The following ITGB2 variants were observed in gnomAD, a reference collection of about 807,000 sequenced individuals.
ITGB2 encodes integrin subunit beta 2, also known as integrin beta-2.
A neutral mutation model predicts 86.8 loss-of-function variants in ITGB2; 56 were observed. The observed-to-expected ratio is 0.65, with a 90% CI of 0.52 to 0.81. The LOEUF is 0.81. Ranked by LOEUF, ITGB2 falls within the 30% of genes least tolerant of loss-of-function variation. ITGB2 has a pLI of 0.00. For synonymous variants in ITGB2, 457 were observed against 450.4 expected (o/e 1.01, Z -0.19); for missense variants, 948 against 1,061.2 (o/e 0.89, Z 1.48).
At chr21:44,916,643 G>A (rs892917682) in intron 1 of ITGB2, among the ~76,000 whole-genome samples, 6 of 152,090 alleles carry the variant, frequency 3.9e-5, no homozygotes, top group East Asian at 3.9e-4. Context: ...TGAGGCAGGC[G>A]GATCACCTGA....
intron 1 of ITGB2, among the ~76,000 whole-genome samples, chr21:44,912,608 A>G (rs1182466469): frequency 6.6e-6 from 1 of 152,076 alleles, no homozygotes; most frequent in Admixed American, 6.5e-5. Context: ...CATTGGGCCC[A>G]CCCTGTGTCT....
intron 5 of ITGB2, 145 bp from the exon 6 acceptor site, chr21:44,901,878 G>A (rs2083964858): frequency 5.6e-6 from 5 of 886,316 alleles, no homozygotes; most frequent in Non-Finnish European, 8.4e-6. Flanking sequence ...GAGTGTGTGT[G>A]TGAGCATGTG....
intron 14 of ITGB2, among the ~76,000 whole-genome samples, chr21:44,887,733 G>A (rs945194308): frequency 1.3e-5 from 2 of 152,202 alleles, no homozygotes; most frequent in Non-Finnish European, 2.9e-5. Flanking sequence ...CAAACCAGAC[G>A]TGACCCAAGT....
upstream of ITGB2, among the ~76,000 whole-genome samples, chr21:44,925,305 G>A (rs2146577404): frequency 6.6e-6 from 1 of 151,404 alleles, no homozygotes; most frequent in South Asian, 2.1e-4. Flanking sequence ...TAGAGACTAG[G>A]TCTCGCTACG....
chr21:44,920,059 C>T (rs940764299), intron 1 of ITGB2, among the ~76,000 whole-genome samples: 7 of 152,134 alleles, frequency 4.6e-5, no homozygotes, highest in East Asian at 3.9e-4. Context: ...CAGCGGTGCC[C>T]GCTCCCCTAC....
chr21:44,895,925 T>A (rs1261366861), intron 8 of ITGB2, among the ~76,000 whole-genome samples: 1 of 151,630 alleles, frequency 6.6e-6, no homozygotes, highest in Non-Finnish European at 1.5e-5. Context: ...AAAAAAAAAT[T>A]ACTGTTGCAT....
At chr21:44,888,271 G>A (rs543608377) in intron 14 of ITGB2, among the ~76,000 whole-genome samples, 85 of 152,348 alleles carry the variant, frequency 5.6e-4, no homozygotes, top group African/African-American at 2.0e-3. Flanking sequence ...TGAGAGCCGA[G>A]CACCAGGATC....
Position 44,892,113 on chromosome 21 carries a change from A to G in ITGB2, c.1225-117T>C, listed in dbSNP as rs1048386914. ...CCTGGGGGGTTCAGCGTGGGGAGGAAGGGGTGACCAGGAGCAGGAAGAGCT... is the reference window on the plus strand; with the variant it reads ...CCTGGGGGGTTCAGCGTGGGGAGGAGGGGGTGACCAGGAGCAGGAAGAGCT... On this transcript the variant is annotated intron_variant, in intron 10 of 15. Coordinates refer to ENST00000652462, the MANE Select transcript of ITGB2 (RefSeq NM_000211.5). 1.9e-5 allele frequency: 18 copies of G among 964,052 alleles called. No homozygotes were observed. The East Asian group carries it at 3.2e-4, about 17-fold the overall frequency. The allele number at this position is 964,052 out of a possible 1,614,324, so 59.7% of individuals were successfully genotyped here. A position where few individuals can be genotyped will look rare whatever the true frequency, so the allele number is the denominator to read the frequency against.
At position 44,886,045 on chromosome 21, in the gene ITGB2, A is replaced by G; in HGVS notation, c.*323T>C. ...TAATGGGATGTCATTTTATACCCTG[A>G]CAAGTTTAAATGTAAATAAATTGGC... On this transcript the variant is annotated 3_prime_UTR_variant, in exon 16 of 16. Coordinates refer to ENST00000652462, the MANE Select transcript of ITGB2 (RefSeq NM_000211.5). 4.8e-6 allele frequency: 2 copies of G among 419,644 alleles called. No individual in the cohort carries two copies. The highest frequency in any genetic ancestry group is 8.8e-6 in the Non-Finnish European group (2 of 226,176). The allele number at this position is 419,644 out of a possible 1,614,324, so 26.0% of individuals were successfully genotyped here.
chr21:44,914,489 CCA>C (rs1173804229), intron 1 of ITGB2, among the ~76,000 whole-genome samples: 2 of 152,232 alleles, frequency 1.3e-5, no homozygotes, highest in Non-Finnish European at 2.9e-5. Context: ...CTAACAAGAA[CCA>C]CACTTCACGG....
chr21:44,903,197 C>T (rs1012111459), intron 5 of ITGB2, among the ~76,000 whole-genome samples, 168 bp downstream of exon 5: 1 of 152,136 alleles, frequency 6.6e-6, no homozygotes, highest in Non-Finnish European at 1.5e-5. Context: ...TGGCCCCTGG[C>T]AGGGAGGCAG....
rs144487047 is a variant in ITGB2, at chr21:44,916,793, G to A, written c.-4+4028C>T. Reference sequence around the variant, plus strand: ...TGAGGCAGGAGAATCACTTGAGCCCGGGAGGCAGAGGGTGCAGTGAGCTGA... The same window carrying A: ...TGAGGCAGGAGAATCACTTGAGCCCAGGAGGCAGAGGGTGCAGTGAGCTGA... On this transcript the variant is annotated intron_variant, in intron 1 of 15. Transcript: ENST00000652462. 1.5e-3 allele frequency among the ~76,000 whole-genome samples: 226 copies of A among 151,904 alleles called. 7 individuals are homozygous for A. The East Asian group carries it at 0.041, about 27-fold the overall frequency.
At chr21:44,921,537 A>G (rs983823954), upstream of ITGB2, among the ~76,000 whole-genome samples, 1 of 151,954 alleles carries the variant, frequency 6.6e-6, no homozygotes, top group Non-Finnish European at 1.5e-5. Flanking sequence ...CATTAGGAGG[A>G]TACCACAGAA....
intron 15 of ITGB2, 135 bp downstream of exon 15, chr21:44,886,601 C>T (rs376883550): frequency 2.2e-5 from 31 of 1,438,324 alleles, no homozygotes; most frequent in Non-Finnish European, 2.7e-5. Context: ...CAGCGGCGGA[C>T]GCCCAGAGGA....
upstream of ITGB2, among the ~76,000 whole-genome samples, chr21:44,921,947 C>G (rs946963487): frequency 2.0e-5 from 3 of 152,190 alleles, no homozygotes; most frequent in Non-Finnish European, 2.9e-5. Context: ...TGGTCTTGAA[C>G]TCCTGGCTTC....
rs571963614 is a variant in ITGB2 at position 44,891,280 on chromosome 21, C to T, written c.1412+529G>A. On this transcript the variant is annotated intron_variant, in intron 11 of 15. Coordinates refer to ENST00000652462, the MANE Select transcript of ITGB2 (RefSeq NM_000211.5). Reference sequence around the variant, plus strand: ...GCCCACGCCTGGCAGGGGGTGTGCACGCCCAAGAGGTGGCCTATGGGGCCC... The same window carrying T: ...GCCCACGCCTGGCAGGGGGTGTGCATGCCCAAGAGGTGGCCTATGGGGCCC... Among the ~76,000 whole-genome samples, 18 of 152,256 alleles carry T rather than the reference C, an allele frequency of 1.2e-4. No individual in the cohort carries two copies. The South Asian group carries it at 1.4e-3, about 12-fold the overall frequency.
intron 9 of ITGB2, chr21:44,894,566 G>A (rs1477536948): frequency 3.9e-5 from 13 of 332,390 alleles, no homozygotes; most frequent in Non-Finnish European, 5.9e-5. Context: ...GGTGAACAGA[G>A]CAAGAGGAAT....
In ITGB2 at chr21:44,888,818, AGCTGCAGGCCCGGACACGCCGC is replaced by A; in HGVS notation, c.1933_1954del (p.Ala645CysfsTer6). ...CCTGCCCTTCACGGGGTTGTTCGAC[AGCTGCAGGCCCGGACACGCCGC>A]GCTGCAGTTCTTCCCAAAGGGGCCC... On this transcript the variant is annotated frameshift_variant, in exon 14 of 16. Coordinates refer to ENST00000652462, the MANE Select transcript of ITGB2 (RefSeq NM_000211.5). LOFTEE classifies it high-confidence loss of function. The A allele has an allele frequency of 6.2e-7, 1 of 1,611,586 alleles. No homozygotes were observed. Among genetic ancestry groups the A allele is most frequent in the Non-Finnish European group, 8.5e-7 (1 of 1,179,978 alleles).
At chr21:44,904,442 C>A (rs2084012606) in intron 4 of ITGB2, among the ~76,000 whole-genome samples, 1 of 151,764 alleles carries the variant, frequency 6.6e-6, no homozygotes, top group Non-Finnish European at 1.5e-5. Context: ...AGCACACACG[C>A]ACCCACATAT....
Sources: allele counts gnomAD v4.1 joint callset (sites outside exome capture counted in the v4.1 genomes callset), GRCh38; gene constraint gnomAD v4.1.1; transcripts MANE v1.5; gene names NCBI Gene and HGNC (gene_info 2026-07-23, HGNC 2026-07-21).